Variants in SPIDR observed in about 807,000 individuals in gnomAD.
SPIDR encodes the protein scaffold protein involved in DNA repair, also known as DNA repair-scaffolding protein.
Under a neutral mutation model 104.6 loss-of-function variants are expected in SPIDR, and 93 were observed. That is an observed-to-expected ratio of 0.89 (90% CI 0.75 to 1.06). The LOEUF (loss-of-function observed/expected upper bound fraction) is 1.06. SPIDR is among the 50% of genes least tolerant of loss of function. The pLI, the probability that SPIDR is intolerant of heterozygous loss-of-function variation, is 0.00. For synonymous variants in SPIDR, 431 were observed against 416.9 expected (o/e 1.03, Z -0.41); for missense variants, 1,154 against 1,111.2 (o/e 1.04, Z -0.55).
At chr8:47,590,033 G>A (rs890397123) in intron 8 of SPIDR, among the ~76,000 whole-genome samples, 1 of 151,928 alleles carries the variant, frequency 6.6e-6, no homozygotes, top group African/African-American at 2.4e-5. Context: ...AATTAGCCGG[G>A]ACTGGTGGTG....
intron 16 of SPIDR, among the ~76,000 whole-genome samples, chr8:47,720,594 AT>A (rs1386454826): frequency 2.0e-5 from 3 of 152,172 alleles, no homozygotes; most frequent in Non-Finnish European, 2.9e-5. Context: ...ATCTTTTCAT[AT>A]GGTTATTTGT....
At chr8:47,573,874 G>A (rs1049214213) in intron 8 of SPIDR, among the ~76,000 whole-genome samples, 1 of 152,166 alleles carries the variant, frequency 6.6e-6, no homozygotes, top group African/African-American at 2.4e-5. Context: ...ACATTCTGAG[G>A]TTTTTGCTGT....
At chr8:47,356,877 A>T (rs969647742) in intron 5 of SPIDR, among the ~76,000 whole-genome samples, 2 of 152,212 alleles carry the variant, frequency 1.3e-5, no homozygotes, top group Non-Finnish European at 2.9e-5. Flanking sequence ...CCTACCTACC[A>T]TGTGGGGTGC....
At chr8:47,405,412 A>T (rs1412563523) in intron 6 of SPIDR, among the ~76,000 whole-genome samples, 3 of 152,134 alleles carry the variant, frequency 2.0e-5, no homozygotes, top group African/African-American at 7.2e-5. Flanking sequence ...TAATAAAAAT[A>T]AACCAAAATT....
chr8:47,374,309 C>T (rs1020817210), intron 5 of SPIDR, among the ~76,000 whole-genome samples: 9 of 152,074 alleles, frequency 5.9e-5, no homozygotes, highest in Middle Eastern at 3.4e-3. Context: ...ATCACTTGAG[C>T]CGAGGAGTTC....
intron 8 of SPIDR, among the ~76,000 whole-genome samples, 200 bp downstream of exon 8, chr8:47,440,742 T>G (rs928634205): frequency 6.6e-6 from 1 of 152,242 alleles, no homozygotes; most frequent in East Asian, 1.9e-4. Context: ...AGCATATTTC[T>G]GATAATTTGG....
Position 47,729,501 on chromosome 8 carries a change from C to T in SPIDR, c.2604+36C>T, listed in dbSNP as rs768322020. ...GGGGCCCAGCCCAGGGGGCCGCACA[C>T]TCAGTAGCCTGCATGAGCAACTCAT... On this transcript the variant is annotated intron_variant, in intron 19 of 19. Coordinates refer to ENST00000297423, the MANE Select transcript of SPIDR (RefSeq NM_001080394.4). 3 of 1,571,370 alleles carry T rather than the reference C, an allele frequency of 1.9e-6. No homozygotes were observed. The African/African-American group carries it at 4.0e-5, about 21-fold the overall frequency.
chr8:47,662,066 T>TC (rs1164959907), intron 10 of SPIDR, among the ~76,000 whole-genome samples: 1 of 152,210 alleles, frequency 6.6e-6, no homozygotes, highest in African/African-American at 2.4e-5. Flanking sequence ...CTCTTCACTC[T>TC]CCACACCTAC....
intron 8 of SPIDR, among the ~76,000 whole-genome samples, chr8:47,530,649 G>A (rs972778432): frequency 1.3e-5 from 2 of 152,002 alleles, no homozygotes; most frequent in African/African-American, 2.4e-5. Context: ...GAATGTGAAG[G>A]TATAGAACAT....
At chr8:47,695,653 A>T (rs1466551520) in intron 11 of SPIDR, among the ~76,000 whole-genome samples, 1 of 152,220 alleles carries the variant, frequency 6.6e-6, no homozygotes, top group Non-Finnish European at 1.5e-5. Context: ...AATATCAGCT[A>T]ATGTTCCGGT....
At position 47,511,293 on chromosome 8, in the gene SPIDR, G is replaced by C. The variant is rs2082282962; in HGVS notation, c.1097+70751G>C. 3.5e-6 allele frequency: 5 copies of C among 1,422,362 alleles called. No individual in the cohort carries two copies. The African/African-American group carries it at 7.0e-5, about 20-fold the overall frequency. 88.1% of individuals were successfully genotyped at this position (1,422,362 alleles called of 1,614,324 possible). On this transcript the variant is annotated intron_variant, in intron 8 of 19. Coordinates refer to ENST00000297423, the MANE Select transcript of SPIDR (RefSeq NM_001080394.4). Reference sequence around the variant, plus strand: ...CTGATTCGACGATTAAGATGGAAGAGCTGGCTTTGGCTTCATTTTCTGCCA... The same window carrying C: ...CTGATTCGACGATTAAGATGGAAGACCTGGCTTTGGCTTCATTTTCTGCCA...
chr8:47,593,925 C>G (rs893737953), intron 8 of SPIDR, among the ~76,000 whole-genome samples: 1 of 152,128 alleles, frequency 6.6e-6, no homozygotes, highest in Non-Finnish European at 1.5e-5. Flanking sequence ...AATCCTGATT[C>G]TCTGCCACAC....
At chr8:47,322,067 A>G (rs1196855706) in intron 5 of SPIDR, among the ~76,000 whole-genome samples, 1 of 152,234 alleles carries the variant, frequency 6.6e-6, no homozygotes, top group African/African-American at 2.4e-5. Context: ...ACCAAAAGCA[A>G]TGGCAACGAA....
chr8:47,591,781 C>CA (rs1490981899), intron 8 of SPIDR, among the ~76,000 whole-genome samples: 2 of 149,568 alleles, frequency 1.3e-5, no homozygotes, highest in South Asian at 2.1e-4. Flanking sequence ...CCTCCCCCCT[C>CA]AAAAAAAATA....
At chr8:47,733,586 C>T (rs1204755770) in intron 19 of SPIDR, among the ~76,000 whole-genome samples, 1 of 151,132 alleles carries the variant, frequency 6.6e-6, no homozygotes, top group Non-Finnish European at 1.5e-5. Context: ...AGAAGGGTGT[C>T]CAGCGCATAT....
At chr8:47,712,057 C>G (rs1319816349) in intron 14 of SPIDR, among the ~76,000 whole-genome samples, 1 of 152,098 alleles carries the variant, frequency 6.6e-6, no homozygotes, top group African/African-American at 2.4e-5. Context: ...TTTGCGTCTA[C>G]TGAATCCTAA....
chr8:47,510,767 A>G (rs2082195742), intron 8 of SPIDR, among the ~76,000 whole-genome samples: 3 of 152,312 alleles, frequency 2.0e-5, no homozygotes, highest in Admixed American at 2.0e-4. Flanking sequence ...TCTATATAAT[A>G]TTTCTTTTTA....
chr8:47,367,154 C>T (rs763833214), intron 5 of SPIDR, among the ~76,000 whole-genome samples: 41 of 152,216 alleles, frequency 2.7e-4, no homozygotes, highest in Non-Finnish European at 5.0e-4. Context: ...GTAAGAGATT[C>T]GAAGCAGGAG....
At chr8:47,401,438 A>C (rs1455573583) in intron 6 of SPIDR, among the ~76,000 whole-genome samples, 3 of 152,200 alleles carry the variant, frequency 2.0e-5, no homozygotes, top group African/African-American at 7.2e-5. Flanking sequence ...CGAGCAAAAT[A>C]ACCAGCTAAC....
Sources: allele counts gnomAD v4.1 joint callset (sites outside exome capture counted in the v4.1 genomes callset), GRCh38; gene constraint gnomAD v4.1.1; transcripts MANE v1.5; gene names NCBI Gene and HGNC (gene_info 2026-07-23, HGNC 2026-07-21).